SAMSN1: variants seen among roughly 807,000 people sequenced by gnomAD.
SAMSN1 encodes the protein SAM domain-containing protein SAMSN-1.
SAMSN1 carries 31 observed loss-of-function variants against 42.0 expected under a neutral mutation model. The observed-to-expected ratio is 0.74, with a 90% CI of 0.55 to 1.00. SAMSN1 has a LOEUF of 1.00. Among genes scored for constraint, SAMSN1 ranks in the 50% least tolerant of loss-of-function variants. The pLI is 0.00. For missense variants in SAMSN1, 464 were observed against 439.4 expected (o/e 1.06, Z -0.50); for synonymous variants, 178 against 151.9 (o/e 1.17, Z -1.26).
At chr21:14,558,829 A>G (rs1365994769) in intron 2 of SAMSN1, among the ~76,000 whole-genome samples, 1 of 152,176 alleles carries the variant, frequency 6.6e-6, no homozygotes, top group Non-Finnish European at 1.5e-5. Flanking sequence ...TGGCTTCAAC[A>G]TCTTTTAAGA....
intron 6 of SAMSN1, chr21:14,594,843 C>CT (rs1250097790): frequency 6.6e-6 from 1 of 152,160 alleles, no homozygotes; most frequent in Non-Finnish European, 1.5e-5. Context: ...TTTCACATTG[C>CT]TGTGAAGAAA....
chr21:14,557,520 C>T (rs1266859662), intron 2 of SAMSN1, among the ~76,000 whole-genome samples: 4 of 152,164 alleles, frequency 2.6e-5, no homozygotes, highest in African/African-American at 9.6e-5. Flanking sequence ...AAAGCCTGTA[C>T]ACACATCATT....
At chr21:14,537,174 C>T (rs570048988) in intron 1 of SAMSN1, among the ~76,000 whole-genome samples, 3 of 152,238 alleles carry the variant, frequency 2.0e-5, no homozygotes, top group South Asian at 2.1e-4. Flanking sequence ...CCGCTATGCA[C>T]TCTGCCCCAC....
chr21:14,600,073 G>C (rs1982388294), intron 6 of SAMSN1, among the ~76,000 whole-genome samples: 1 of 152,140 alleles, frequency 6.6e-6, no homozygotes, highest in Non-Finnish European at 1.5e-5. Flanking sequence ...TACTCCAGTT[G>C]AGGCTGATAC....
rs535743503 is a variant in SAMSN1, at chr21:14,505,794, T to C, written c.561+4516A>G. 2.6e-5 allele frequency among the ~76,000 whole-genome samples: 4 copies of C among 152,268 alleles called. No individual in the cohort carries two copies. The South Asian group carries it at 6.2e-4, about 24-fold the overall frequency. On this transcript the variant is annotated intron_variant, in intron 5 of 7. Coordinates refer to ENST00000400566, the MANE Select transcript of SAMSN1 (RefSeq NM_022136.5). ...CATTCCATCCAACAACCTCAGAATA[T>C]ACATTCTATTCAACAACACATGGAA... is the stretch of plus-strand genomic sequence containing the variant.
chr21:14,562,782 G>A (rs941859387), intron 2 of SAMSN1, among the ~76,000 whole-genome samples: 7 of 151,970 alleles, frequency 4.6e-5, no homozygotes, highest in African/African-American at 1.7e-4. Context: ...ATCCTAAGAA[G>A]CATTCTCCAA....
At chr21:14,578,147 T>C (rs1981568714) in intron 2 of SAMSN1, among the ~76,000 whole-genome samples, 1 of 152,198 alleles carries the variant, frequency 6.6e-6, no homozygotes. Context: ...TTCTAATAGA[T>C]ATTAATAACC....
intron 2 of SAMSN1, among the ~76,000 whole-genome samples, chr21:14,566,512 A>T (rs1048186841): frequency 2.6e-5 from 4 of 151,982 alleles, no homozygotes; most frequent in African/African-American, 9.7e-5. Flanking sequence ...CCCATAAAAA[A>T]ATCTAATAAA....
At chr21:14,535,537 C>T (rs1245190151) in intron 1 of SAMSN1, among the ~76,000 whole-genome samples, 1 of 152,176 alleles carries the variant, frequency 6.6e-6, no homozygotes, top group Non-Finnish European at 1.5e-5. Context: ...TTGACTCCCA[C>T]AAATTCGTAT....
At chr21:14,612,463 T>C (rs1982733080) in intron 4 of SAMSN1, 1 of 289,142 alleles carries the variant, frequency 3.5e-6, no homozygotes, top group Non-Finnish European at 7.4e-6. Flanking sequence ...AAGAGAAGAT[T>C]TGGTGTGTGA....
chr21:14,582,959 G>A (rs1981796953), intron 1 of SAMSN1, among the ~76,000 whole-genome samples: 1 of 152,056 alleles, frequency 6.6e-6, no homozygotes, highest in African/African-American at 2.4e-5. Flanking sequence ...CTGACATTCT[G>A]AAATTGTCTA....
At chr21:14,504,668 G>A (rs1381774378) in intron 5 of SAMSN1, among the ~76,000 whole-genome samples, 1 of 152,168 alleles carries the variant, frequency 6.6e-6, no homozygotes, top group Admixed American at 6.5e-5. Flanking sequence ...CTAAAAGTTG[G>A]GAAAACGTAT....
chr21:14,556,656 G>C (rs1044964054), intron 2 of SAMSN1, among the ~76,000 whole-genome samples: 11 of 152,154 alleles, frequency 7.2e-5, no homozygotes, highest in Admixed American at 6.6e-5. Flanking sequence ...ACAAAGTGAG[G>C]TTTATACATG....
chr21:14,595,071 T>A (rs1231045277), intron 6 of SAMSN1, among the ~76,000 whole-genome samples: 1 of 152,106 alleles, frequency 6.6e-6, no homozygotes, highest in Non-Finnish European at 1.5e-5. Context: ...CCAGATCTCA[T>A]GAGAACTCAC....
rs78670029 is a variant in SAMSN1, at chr21:14,657,045, T to C, written c.24+1703A>G. On this transcript the variant is annotated intron_variant, in intron 1 of 15. Transcript: ENST00000647101. ...ATGTTTTGGATTTTGCATAAGTTCC[T>C]GGCAAAAGCTGTACCCCCACCCCTT... is the stretch of plus-strand genomic sequence containing the variant. Among the ~76,000 whole-genome samples, 612 of 151,918 alleles carry C rather than the reference T, an allele frequency of 4.0e-3. 6 individuals carry two copies. The highest frequency in any genetic ancestry group is 0.014 in the African/African-American group (585 of 41,488).
intron 2 of SAMSN1, among the ~76,000 whole-genome samples, chr21:14,630,301 A>G (rs918776160): frequency 2.0e-5 from 3 of 152,140 alleles, no homozygotes; most frequent in Non-Finnish European, 4.4e-5. Flanking sequence ...TTCCTGATCT[A>G]TAGTAGTTCG....
intron 2 of SAMSN1, among the ~76,000 whole-genome samples, chr21:14,633,963 T>G (rs1051219534): frequency 1.3e-5 from 2 of 152,174 alleles, no homozygotes; most frequent in Non-Finnish European, 2.9e-5. Context: ...TGGGAATAAT[T>G]TAATGGATTT....
intron 6 of SAMSN1, among the ~76,000 whole-genome samples, chr21:14,596,535 G>A (rs890108028): frequency 2.0e-5 from 3 of 152,098 alleles, no homozygotes; most frequent in Non-Finnish European, 4.4e-5. Context: ...CTAACAAATA[G>A]AATAAAATGG....
At chr21:14,501,845 A>G (rs1185220556) in intron 5 of SAMSN1, among the ~76,000 whole-genome samples, 1 of 152,214 alleles carries the variant, frequency 6.6e-6, no homozygotes, top group African/African-American at 2.4e-5. Context: ...ATTAGTATGG[A>G]CAAACCAATT....
Sources: allele counts gnomAD v4.1 joint callset (sites outside exome capture counted in the v4.1 genomes callset), GRCh38; gene constraint gnomAD v4.1.1; transcripts MANE v1.5; gene names NCBI Gene and HGNC (gene_info 2026-07-23, HGNC 2026-07-21).